TOP3A: variants seen among roughly 807,000 people sequenced by gnomAD.
TOP3A encodes the protein DNA topoisomerase 3-alpha.
TOP3A carries 64 observed loss-of-function variants against 111.3 expected under a neutral mutation model. The observed-to-expected ratio is 0.57, with a 90% CI of 0.47 to 0.71. TOP3A has a LOEUF of 0.71. Among genes scored for constraint, TOP3A ranks in the 30% least tolerant of loss-of-function variants. The pLI is 0.00. For missense variants in TOP3A, 1,104 were observed against 1,285.0 expected (o/e 0.86, Z 2.15); for synonymous variants, 484 against 485.1 (o/e 1.00, Z 0.03).
intron 1 of TOP3A, chr17:18,312,635 G>C (rs1431315204): frequency 5.5e-6 from 1 of 180,854 alleles, no homozygotes; most frequent in African/African-American, 2.3e-5. Flanking sequence ...AAAGGCTAAA[G>C]AATTTGCCAC....
intron 15 of TOP3A, among the ~76,000 whole-genome samples, chr17:18,283,392 C>A: frequency 6.6e-6 from 1 of 152,008 alleles, no homozygotes; most frequent in East Asian, 1.9e-4. Flanking sequence ...TAAAACTGCA[C>A]AGGGTCCATG....
chr17:18,308,018 C>T (rs2142991147), intron 3 of TOP3A, among the ~76,000 whole-genome samples: 1 of 151,562 alleles, frequency 6.6e-6, no homozygotes, highest in Middle Eastern at 3.4e-3. Flanking sequence ...TCGAGACCAG[C>T]CTGGTCAACA....
At chr17:18,279,135 T>C (rs1406380427) in intron 17 of TOP3A, among the ~76,000 whole-genome samples, 2 of 152,192 alleles carry the variant, frequency 1.3e-5, no homozygotes, top group African/African-American at 2.4e-5. Flanking sequence ...GACATACAAA[T>C]TGCAAAATGT....
chr17:18,290,863 T>C lies in TOP3A; in HGVS notation c.1446A>G (p.Pro482=), dbSNP rs776050068. 15 of 1,614,212 alleles carry C rather than the reference T, an allele frequency of 9.3e-6. No homozygotes were observed. The South Asian group carries it at 1.3e-4, about 14-fold the overall frequency. The stretch of plus-strand genomic sequence containing the variant: ...TTACCTTGTCACTCCAGTGATCATA[T>C]GGATACACATCCAGATAGTTTCGGG... The part of the protein sequence containing the change: ...ILARNYLDVY[P]YDHWSDKILP... The change falls in exon 12 of 19, where the codon CCA becomes CCG. Residue 482 remains proline, a synonymous_variant. Coordinates refer to ENST00000321105, the MANE Select transcript of TOP3A (RefSeq NM_004618.5).
Position 18,278,170 on chromosome 17 carries a change from T to G in TOP3A, c.2332A>C (p.Ser778Arg), listed in dbSNP as rs1979518965. ...ANQSLNRMDN[S>R]QHPQPADSRQ... Reference sequence around the variant, plus strand: ...CTGTCAGCAGGCTGGGGGTGCTGGCTGTTGTCCATCCTGTTCAGGGACTGG... The same window carrying G: ...CTGTCAGCAGGCTGGGGGTGCTGGCGGTTGTCCATCCTGTTCAGGGACTGG... The change falls in exon 18 of 19, where the codon AGC becomes CGC. Residue 778 changes from serine to arginine, a missense_variant. Ser to Arg is a moderately radical substitution (Grantham distance 110). Transcript: ENST00000321105. 1.9e-6 allele frequency: 3 copies of G among 1,613,890 alleles called. No individual in the cohort carries two copies. In the African/African-American group the frequency reaches 4.0e-5, roughly 22 times the overall value.
At chr17:18,290,811 C>T (rs749701165) in intron 12 of TOP3A, 31 bp downstream of exon 12, 138 of 1,608,710 alleles carry the variant, frequency 8.6e-5, no homozygotes, top group Non-Finnish European at 1.1e-4. Flanking sequence ...CACAACTGTC[C>T]TCCCTCTCAC....
At chr17:18,286,395 A>T (rs1340687389) in intron 13 of TOP3A, among the ~76,000 whole-genome samples, 1 of 151,738 alleles carries the variant, frequency 6.6e-6, no homozygotes, top group Non-Finnish European at 1.5e-5. Context: ...GGGCACCTGT[A>T]GTCCCAGCTA....
Position 18,314,761 on chromosome 17 carries a change from G to C in TOP3A, c.18C>G (p.Ala6=). The part of the protein sequence containing the change: MIFPV[A]RYALRWLRRP... Reference sequence around the variant, plus strand: ...GTCGCAGCCACCGGAGCGCGTAGCGGGCGACAGGAAAGATCATCCTCAGAC... The same window carrying C: ...GTCGCAGCCACCGGAGCGCGTAGCGCGCGACAGGAAAGATCATCCTCAGAC... The change falls in exon 1 of 19, where the codon GCC becomes GCG. Residue 6 remains alanine (A), a synonymous_variant. Coordinates refer to ENST00000321105, the MANE Select transcript of TOP3A (RefSeq NM_004618.5). The C allele has an allele frequency of 6.4e-7, 1 of 1,555,024 alleles. No homozygotes were observed. Among genetic ancestry groups the C allele is most frequent in the Non-Finnish European group, 8.7e-7 (1 of 1,149,782 alleles).
intron 16 of TOP3A, 124 bp from the exon 17 acceptor site, chr17:18,280,782 A>T (rs1392250770): frequency 9.2e-7 from 1 of 1,084,670 alleles, no homozygotes; most frequent in Non-Finnish European, 1.3e-6. Flanking sequence ...GATGACACTT[A>T]ACTGGATACA....
intron 15 of TOP3A, among the ~76,000 whole-genome samples, chr17:18,284,678 T>G (rs1409154529): frequency 6.6e-6 from 1 of 152,110 alleles, no homozygotes; most frequent in East Asian, 1.9e-4. Flanking sequence ...CACCTCTAAA[T>G]GCTCCAGAAA....
In TOP3A at chr17:18,274,979, C is replaced by A; in HGVS notation, c.2829G>T (p.Gly943=). 2.5e-6 allele frequency: 4 copies of A among 1,613,142 alleles called. No homozygotes were observed. Among genetic ancestry groups the A allele is most frequent in the Non-Finnish European group, 3.4e-6 (4 of 1,179,622 alleles). ...CTGTCCAGGACGGGGCTCCAGAAGTCCCTGTCGGGAGAGTCAGGGGAGGGG... is the reference window on the plus strand; with the variant it reads ...CTGTCCAGGACGGGGCTCCAGAAGTACCTGTCGGGAGAGTCAGGGGAGGGG... ...FQWVDENTAP[G]TSGAPSWTGD... The change falls in exon 19 of 19, where the codon GGG becomes GGT. Residue 943 remains glycine (G), a splice_region_variant and synonymous_variant. Transcript: ENST00000321105.
chr17:18,299,954 CTG>C (rs1415751870), intron 8 of TOP3A, among the ~76,000 whole-genome samples: 1 of 152,196 alleles, frequency 6.6e-6, no homozygotes, highest in East Asian at 1.9e-4. Context: ...AGTGCTCTTT[CTG>C]TTGTTGTTTT....
intron 9 of TOP3A, among the ~76,000 whole-genome samples, chr17:18,298,561 A>G (rs1477574173): frequency 6.6e-6 from 1 of 151,100 alleles, no homozygotes; most frequent in Non-Finnish European, 1.5e-5. Flanking sequence ...TGTACCCAAC[A>G]GCTCATTGAG....
chr17:18,272,664 G>C lies in TOP3A; in HGVS notation c.*2138C>G, dbSNP rs1979068924. Among the ~76,000 whole-genome samples the C allele has an allele frequency of 6.6e-6, 1 of 151,774 alleles. No homozygotes were observed. Among genetic ancestry groups the C allele is most frequent in the African/African-American group, 2.4e-5 (1 of 41,220 alleles). On this transcript the variant is annotated 3_prime_UTR_variant, in exon 19 of 19. Transcript: ENST00000321105. ...AGCCAAGTCAAAGAAACCAGACACAGGATGTCATGTATGGTAGGATTTCAT... is the reference window on the plus strand; with the variant it reads ...AGCCAAGTCAAAGAAACCAGACACACGATGTCATGTATGGTAGGATTTCAT...
intron 3 of TOP3A, 186 bp from the exon 4 acceptor site, chr17:18,307,152 C>G (rs1266349739): frequency 2.1e-6 from 1 of 480,856 alleles, no homozygotes; most frequent in Non-Finnish European, 3.7e-6. Flanking sequence ...GTGAACAGGA[C>G]TGATAAGATG....
chr17:18,286,094 G>A (rs1330607949), intron 13 of TOP3A, among the ~76,000 whole-genome samples: 1 of 151,952 alleles, frequency 6.6e-6, no homozygotes, highest in East Asian at 1.9e-4. Context: ...CAGCTGCTCA[G>A]GAGGCTGAGG....
chr17:18,298,334 G>A (rs1324523412), intron 9 of TOP3A, among the ~76,000 whole-genome samples: 5 of 149,742 alleles, frequency 3.3e-5, no homozygotes, highest in Non-Finnish European at 7.4e-5. Context: ...AGGGAGGTGG[G>A]AGGGTCAGCC....
At chr17:18,275,786 G>C (rs969864301) in intron 18 of TOP3A, among the ~76,000 whole-genome samples, 1 of 151,658 alleles carries the variant, frequency 6.6e-6, no homozygotes, top group African/African-American at 2.4e-5. Context: ...CCCGAGAGTA[G>C]CTGGGACTAC....
rs1283419306 is a variant in TOP3A, at chr17:18,280,546, G to T, written c.2134C>A (p.Pro712Thr). ...AGGTGCCCAGCTCACCTGTACACAG[G>T]GTGTGGCTGACAAACTGGACACACA... is the stretch of plus-strand genomic sequence containing the variant. ...SSVCPVCQPH[P>T]VYRLKLKFKR... Residue 712 changes from proline to threonine, a missense_variant, in exon 17 of 19, where the codon CCT becomes ACT. Coordinates refer to ENST00000321105, the MANE Select transcript of TOP3A (RefSeq NM_004618.5). 1 of 1,613,590 alleles carries T rather than the reference G, an allele frequency of 6.2e-7. No individual in the cohort carries two copies. The highest frequency in any genetic ancestry group is 1.1e-5 in the South Asian group (1 of 91,012).
Sources: allele counts gnomAD v4.1 joint callset (sites outside exome capture counted in the v4.1 genomes callset), GRCh38; gene constraint gnomAD v4.1.1; transcripts MANE v1.5; gene names NCBI Gene and HGNC (gene_info 2026-07-23, HGNC 2026-07-21).